The following KHDRBS2 variants were observed in gnomAD, a reference collection of about 807,000 sequenced individuals.
KHDRBS2 encodes KH RNA binding domain containing, signal transduction associated 2, also known as KH domain-containing, RNA-binding, signal transduction-associated protein 2.
A neutral mutation model predicts 44.3 loss-of-function variants in KHDRBS2; 26 were observed. The ratio of observed to expected loss-of-function variants is 0.59; its 90% CI spans 0.43 to 0.81. The LOEUF (loss-of-function observed/expected upper bound fraction) is 0.81, where lower values mean the gene tolerates loss of function less well. Among genes scored for constraint, KHDRBS2 ranks in the 40% least tolerant of loss-of-function variants. The pLI is 0.00. For synonymous variants in KHDRBS2, 194 were observed against 151.1 expected, an observed-to-expected ratio of 1.28 and a Z score of -2.08; for missense variants, 476 against 433.1, an observed-to-expected ratio of 1.10 and a Z score of -0.88.
the KHDRBS2 span, among the ~76,000 whole-genome samples, chr6:61,555,962 C>T: frequency 2.6e-5 from 4 of 152,220 alleles, no homozygotes; most frequent in Non-Finnish European, 4.4e-5. Flanking sequence ...CAAAGCAATT[C>T]ATTGGGCAGT....
At chr6:61,887,525 A>C (rs1220601274) in intron 6 of KHDRBS2, among the ~76,000 whole-genome samples, 1 of 152,210 alleles carries the variant, frequency 6.6e-6, no homozygotes, top group African/African-American at 2.4e-5. Context: ...AGCTAACACT[A>C]ATGATGGGTT....
At chr6:62,105,841 G>A (rs560010576) in intron 2 of KHDRBS2, among the ~76,000 whole-genome samples, 39 of 152,140 alleles carry the variant, frequency 2.6e-4, no homozygotes, top group African/African-American at 8.9e-4. Context: ...GTTTGCTCTT[G>A]CTTTTCGAGT....
At position 61,680,758 on chromosome 6, in the gene KHDRBS2, T is replaced by G. The variant is rs184151677; in HGVS notation, c.*205A>C. 45 of 417,856 alleles carry G rather than the reference T, an allele frequency of 1.1e-4. No individual in the cohort carries two copies. The East Asian group carries it at 1.1e-3, about 11-fold the overall frequency. 25.9% of individuals were successfully genotyped at this position (417,856 alleles called of 1,614,324 possible). On this transcript the variant is annotated 3_prime_UTR_variant, in exon 9 of 9. Coordinates refer to ENST00000281156, the MANE Select transcript of KHDRBS2 (RefSeq NM_152688.4). ...ATGCTTGCTAATGTCTTTTTCAGTC[T>G]GTTTTGTAAAATAATACTAGTGTCA...
chr6:61,849,699 A>G (rs890156136), intron 6 of KHDRBS2, among the ~76,000 whole-genome samples: 1 of 151,962 alleles, frequency 6.6e-6, no homozygotes, highest in Admixed American at 6.6e-5. Flanking sequence ...TGAGATTCAT[A>G]AAAAGCTATT....
intron 6 of KHDRBS2, among the ~76,000 whole-genome samples, chr6:61,767,312 T>C (rs1303468532): frequency 6.6e-6 from 1 of 152,044 alleles, no homozygotes; most frequent in Admixed American, 6.6e-5. Flanking sequence ...CATAGAATAC[T>C]TTTTTCTATC....
At chr6:62,078,602 GACT>G (rs1352097344) in intron 2 of KHDRBS2, among the ~76,000 whole-genome samples, 5 of 151,890 alleles carry the variant, frequency 3.3e-5, no homozygotes, top group South Asian at 2.1e-4. Flanking sequence ...GTGAGAAAAA[GACT>G]ACTATTTGTA....
At chr6:61,993,459 T>C (rs907432432) in intron 3 of KHDRBS2, among the ~76,000 whole-genome samples, 1 of 151,540 alleles carries the variant, frequency 6.6e-6, no homozygotes, top group Non-Finnish European at 1.5e-5. Context: ...AGAAGAGATA[T>C]AAAAATATTA....
chr6:61,733,637 AT>A (rs1276120867), intron 6 of KHDRBS2, among the ~76,000 whole-genome samples: 1 of 152,008 alleles, frequency 6.6e-6, no homozygotes, highest in Non-Finnish European at 1.5e-5. Flanking sequence ...ACATTATATG[AT>A]TTTTAAATCT....
intron 3 of KHDRBS2, 75 bp downstream of exon 3, chr6:62,047,803 A>C: frequency 1.1e-6 from 1 of 873,092 alleles, no homozygotes; most frequent in Non-Finnish European, 2.0e-6. Flanking sequence ...CAGTTCAGGC[A>C]TGCTTGTAAA....
At chr6:61,586,444 A>T in the KHDRBS2 span, among the ~76,000 whole-genome samples, 1 of 152,190 alleles carries the variant, frequency 6.6e-6, no homozygotes, top group East Asian at 1.9e-4. Flanking sequence ...ACTTTCTCTA[A>T]GGAAACTCCC....
chr6:62,258,759 C>T (rs1837842553), intron 1 of KHDRBS2, among the ~76,000 whole-genome samples: 1 of 151,828 alleles, frequency 6.6e-6, no homozygotes. Flanking sequence ...AATCAGAAAT[C>T]CAAAACTCTT....
intron 7 of KHDRBS2, among the ~76,000 whole-genome samples, chr6:61,725,887 G>A (rs181939061): frequency 6.6e-6 from 1 of 152,028 alleles, no homozygotes; most frequent in African/African-American, 2.4e-5. Context: ...AGATGAGCTA[G>A]TAGTGTACTG....
chr6:61,833,333 A>T (rs964711957), intron 6 of KHDRBS2, among the ~76,000 whole-genome samples: 4 of 152,194 alleles, frequency 2.6e-5, no homozygotes, highest in Admixed American at 1.3e-4. Context: ...AGTCTTTTCA[A>T]AGCTCTTGCT....
At chr6:61,607,449 A>T in the KHDRBS2 span, among the ~76,000 whole-genome samples, 1 of 144,722 alleles carries the variant, frequency 6.9e-6, no homozygotes, top group Admixed American at 7.0e-5. Context: ...CTCTGAAATA[A>T]TTTTTTAAAA....
intron 5 of KHDRBS2, 105 bp downstream of exon 5, chr6:61,901,139 T>C (rs1723643800): frequency 3.8e-6 from 4 of 1,057,704 alleles, no homozygotes; most frequent in Non-Finnish European, 5.5e-6. Flanking sequence ...GTGGTAGTGA[T>C]TGTGGCTGAT....
chr6:61,789,686 C>T (rs1784351147), intron 6 of KHDRBS2, among the ~76,000 whole-genome samples: 1 of 151,350 alleles, frequency 6.6e-6, no homozygotes. Context: ...TTTATTTACT[C>T]CTAAATGACT....
chr6:62,205,953 T>C (rs1416984111), intron 1 of KHDRBS2, among the ~76,000 whole-genome samples: 1 of 152,056 alleles, frequency 6.6e-6, no homozygotes, highest in Non-Finnish European at 1.5e-5. Context: ...AAAGGATCAA[T>C]AGCAAAAAAT....
At chr6:61,749,630 G>A (rs920126046) in intron 6 of KHDRBS2, among the ~76,000 whole-genome samples, 21 of 152,110 alleles carry the variant, frequency 1.4e-4, no homozygotes, top group Non-Finnish European at 2.6e-4. Flanking sequence ...CAATAAATGA[G>A]ATGAACTAGT....
chr6:61,848,281 T>C (rs1436104757), intron 6 of KHDRBS2, among the ~76,000 whole-genome samples: 2 of 150,858 alleles, frequency 1.3e-5, no homozygotes, highest in East Asian at 2.0e-4. Context: ...TGAAATTGAC[T>C]ACCTTACCTC....
Sources: gnomAD v4.1 joint callset for allele counts (sites outside exome capture counted in the v4.1 genomes callset) on GRCh38, gnomAD v4.1.1 for gene constraint, MANE v1.5 for transcripts, NCBI Gene and HGNC (gene_info 2026-07-23, HGNC 2026-07-21) for gene names.